Variants in CCSER1 observed in about 807,000 individuals in gnomAD.
CCSER1 encodes the protein serine-rich coiled-coil domain-containing protein 1.
CCSER1 carries 41 observed loss-of-function variants against 82.0 expected under a neutral mutation model. The observed-to-expected ratio is 0.50, with a 90% CI of 0.39 to 0.65. CCSER1 has a LOEUF of 0.65. Among genes scored for constraint, CCSER1 ranks in the 30% least tolerant of loss-of-function variants. CCSER1 has a pLI of 0.00. For missense variants in CCSER1, 1,119 were observed against 1,064.2 expected, an observed-to-expected ratio of 1.05 and a Z score of -0.72; for synonymous variants, 414 against 383.9, an observed-to-expected ratio of 1.08 and a Z score of -0.92.
chr4:90,806,752 CA>C (rs1257329357), intron 7 of CCSER1, among the ~76,000 whole-genome samples: 1 of 152,232 alleles, frequency 6.6e-6, no homozygotes, highest in East Asian at 1.9e-4. Context: ...TTTTGCTCAA[CA>C]GGGGGATTTC....
intron 5 of CCSER1, among the ~76,000 whole-genome samples, chr4:90,476,980 G>T (rs1234153712): frequency 6.6e-6 from 1 of 152,104 alleles, no homozygotes; most frequent in East Asian, 1.9e-4. Flanking sequence ...TATAAATACA[G>T]ATTTGTCAGA....
At chr4:90,781,356 T>C in intron 7 of CCSER1, 1 of 985,424 alleles carries the variant, frequency 1.0e-6, no homozygotes, top group Non-Finnish European at 1.2e-6. Context: ...TCTTTTGTAC[T>C]GTATCTGTGG....
chr4:90,912,677 A>G (rs1274273391), intron 8 of CCSER1, among the ~76,000 whole-genome samples: 1 of 152,160 alleles, frequency 6.6e-6, no homozygotes, highest in Non-Finnish European at 1.5e-5. Context: ...GCTTCAGAGG[A>G]TCAAACGTTT....
At chr4:91,537,781 G>A (rs1761371129) in intron 10 of CCSER1, among the ~76,000 whole-genome samples, 1 of 151,186 alleles carries the variant, frequency 6.6e-6, no homozygotes, top group African/African-American at 2.4e-5. Flanking sequence ...TACCTATATG[G>A]GAGTACAGAG....
intron 5 of CCSER1, among the ~76,000 whole-genome samples, chr4:90,557,295 T>C (rs1778254349): frequency 6.6e-6 from 1 of 152,074 alleles, no homozygotes; most frequent in Non-Finnish European, 1.5e-5. Flanking sequence ...ATCAGAATAA[T>C]TGATCGATAC....
intron 10 of CCSER1, among the ~76,000 whole-genome samples, chr4:91,296,449 TTATATATATATATATATG>T (rs1467756182): frequency 3.2e-5 from 3 of 94,116 alleles, no homozygotes; most frequent in Admixed American, 1.0e-4. Context: ...GTGTCTAACA[TTATATATATATATATATG>T]TATATATATA....
At chr4:91,532,219 G>T (rs1385380163) in intron 10 of CCSER1, among the ~76,000 whole-genome samples, 2 of 152,146 alleles carry the variant, frequency 1.3e-5, no homozygotes, top group African/African-American at 4.8e-5. Flanking sequence ...ACCTGTATTG[G>T]TAGATTATAA....
chr4:91,305,264 A>G (rs1254574269), intron 10 of CCSER1, among the ~76,000 whole-genome samples: 4 of 152,078 alleles, frequency 2.6e-5, no homozygotes, highest in Admixed American at 6.6e-5. Flanking sequence ...ATGCAAAAAA[A>G]AGAATTTTAC....
At chr4:90,162,696 A>G (rs1233797090) in intron 1 of CCSER1, among the ~76,000 whole-genome samples, 2 of 152,144 alleles carry the variant, frequency 1.3e-5, no homozygotes, top group Admixed American at 6.6e-5. Flanking sequence ...AAATTAATTC[A>G]GAAGCTGCAG....
Position 91,422,429 on chromosome 4 carries a change from A to G in CCSER1, c.2218-176143A>G, listed in dbSNP as rs540588186. On this transcript the variant is annotated intron_variant, in intron 10 of 10. Coordinates refer to ENST00000509176, the MANE Select transcript of CCSER1 (RefSeq NM_001145065.2). Reference sequence around the variant, plus strand: ...ATTTTCTTATGTGTACAACACACTTACTGCATTTTGTGTTGCCTTATTGCC... The same window carrying G: ...ATTTTCTTATGTGTACAACACACTTGCTGCATTTTGTGTTGCCTTATTGCC... 1.1e-4 allele frequency among the ~76,000 whole-genome samples: 16 copies of G among 152,214 alleles called. No individual in the cohort carries two copies. The South Asian group carries it at 1.9e-3, about 18-fold the overall frequency.
intron 3 of CCSER1, among the ~76,000 whole-genome samples, chr4:90,340,936 T>C (rs1169341513): frequency 6.6e-6 from 1 of 152,122 alleles, no homozygotes; most frequent in Non-Finnish European, 1.5e-5. Flanking sequence ...TGTTTAGTAA[T>C]AATAAAGCTG....
Position 91,041,364 on chromosome 4 carries a change from T to C in CCSER1, c.2173-44586T>C, listed in dbSNP as rs139130337. On this transcript the variant is annotated intron_variant, in intron 9 of 10. Coordinates refer to ENST00000509176, the MANE Select transcript of CCSER1 (RefSeq NM_001145065.2). ...TTCAACCATCTTAGAAATGGCAAAT[T>C]ATGTAAGAAAATCTCCTGTGTTCTA... is the stretch of plus-strand genomic sequence containing the variant. Among the ~76,000 whole-genome samples, 6 of 152,320 alleles carry C rather than the reference T, an allele frequency of 3.9e-5. No homozygotes were observed. In the East Asian group the frequency reaches 1.2e-3, roughly 29 times the overall value.
chr4:91,236,413 G>A lies in CCSER1; in HGVS notation c.2217+150419G>A, dbSNP rs1426793581. On this transcript the variant is annotated intron_variant, in intron 10 of 10. Transcript: ENST00000509176. ...CAAAAGAATCGCTTGAACCCGGGAG[G>A]TGGAGGTTGCAGTGAGCCGAGATCA... 2.0e-5 allele frequency among the ~76,000 whole-genome samples: 3 copies of A among 151,462 alleles called. No individual in the cohort carries two copies. In the East Asian group the frequency reaches 5.8e-4, roughly 30 times the overall value.
chr4:90,394,611 CAT>C (rs1162608585), intron 3 of CCSER1, among the ~76,000 whole-genome samples: 9 of 152,132 alleles, frequency 5.9e-5, no homozygotes, highest in African/African-American at 1.9e-4. Flanking sequence ...ACACGTATTA[CAT>C]AACATTTTTG....
chr4:90,878,271 T>A (rs1720671370), intron 8 of CCSER1, among the ~76,000 whole-genome samples: 2 of 152,160 alleles, frequency 1.3e-5, no homozygotes, highest in African/African-American at 4.8e-5. Context: ...CCCCTGTCCT[T>A]GTAATTCTTC....
intron 6 of CCSER1, among the ~76,000 whole-genome samples, chr4:90,706,981 T>C (rs1708743194): frequency 6.6e-6 from 1 of 152,172 alleles, no homozygotes; most frequent in Non-Finnish European, 1.5e-5. Context: ...GGTGTCCATC[T>C]TATTCCTCCT....
intron 10 of CCSER1, among the ~76,000 whole-genome samples, chr4:91,143,557 A>T (rs981034483): frequency 2.6e-5 from 4 of 152,068 alleles, no homozygotes; most frequent in Non-Finnish European, 5.9e-5. Flanking sequence ...GTCTTATCCC[A>T]GGGGGAATGC....
intron 8 of CCSER1, among the ~76,000 whole-genome samples, chr4:90,906,626 T>G: frequency 6.6e-6 from 1 of 152,156 alleles, no homozygotes; most frequent in East Asian, 1.9e-4. Flanking sequence ...AGGAATCTTA[T>G]TTTTAAACCA....
At chr4:90,155,974 A>G (rs974370937) in intron 1 of CCSER1, among the ~76,000 whole-genome samples, 1 of 151,856 alleles carries the variant, frequency 6.6e-6, no homozygotes, top group African/African-American at 2.4e-5. Context: ...TAGGGTGTCA[A>G]TTTTGGATCT....
Sources: allele counts gnomAD v4.1 joint callset (sites outside exome capture counted in the v4.1 genomes callset), GRCh38; gene constraint gnomAD v4.1.1; transcripts MANE v1.5; gene names NCBI Gene and HGNC (gene_info 2026-07-23, HGNC 2026-07-21).